Variants in FTO observed in about 807,000 individuals in gnomAD.
FTO encodes the protein FTO alpha-ketoglutarate dependent dioxygenase, also known as alpha-ketoglutarate-dependent dioxygenase FTO.
In FTO, 47 loss-of-function variants were observed where a neutral mutation model predicts 63.9. The ratio of observed to expected loss-of-function variants is 0.74; its 90% CI spans 0.58 to 0.94. The LOEUF is 0.94. FTO is among the 40% of genes least tolerant of loss of function. The probability of loss-of-function intolerance (pLI) is 0.00; values close to 1 mark genes in which losing one functional copy is unlikely to be tolerated. For missense variants in FTO, 562 were observed against 618.1 expected, an observed-to-expected ratio of 0.91 and a Z score of 0.96; for synonymous variants, 207 against 224.4, an observed-to-expected ratio of 0.92 and a Z score of 0.69.
chr16:53,743,481 A>G (rs1376551787), intron 1 of FTO, among the ~76,000 whole-genome samples: 2 of 151,032 alleles, frequency 1.3e-5, no homozygotes, highest in Non-Finnish European at 2.9e-5. Flanking sequence ...TGTTTAGGTA[A>G]CAGATCTAGT....
At chr16:54,061,290 C>T (rs1268319449) in intron 8 of FTO, among the ~76,000 whole-genome samples, 5 of 152,202 alleles carry the variant, frequency 3.3e-5, no homozygotes, top group Non-Finnish European at 7.3e-5. Context: ...CCCTTGAGGG[C>T]TCTTCCATTG....
At chr16:53,724,848 C>A (rs1180706830) in intron 1 of FTO, among the ~76,000 whole-genome samples, 1 of 152,184 alleles carries the variant, frequency 6.6e-6, no homozygotes, top group Non-Finnish European at 1.5e-5. Flanking sequence ...TTGAGAACAA[C>A]AAACTGAGGC....
At chr16:54,069,635 C>G (rs2085815549) in intron 8 of FTO, among the ~76,000 whole-genome samples, 1 of 151,758 alleles carries the variant, frequency 6.6e-6, no homozygotes, top group Non-Finnish European at 1.5e-5. Context: ...AAAAAAGAAG[C>G]CTATTCATAA....
chr16:53,767,373 T>C (rs1286845429), intron 1 of FTO, among the ~76,000 whole-genome samples: 1 of 152,182 alleles, frequency 6.6e-6, no homozygotes, highest in Non-Finnish European at 1.5e-5. Flanking sequence ...TGCTGTGAAA[T>C]TTCCTATTAA....
At chr16:54,088,242 C>A (rs149316123) in intron 8 of FTO, among the ~76,000 whole-genome samples, 14 of 152,136 alleles carry the variant, frequency 9.2e-5, no homozygotes, top group Non-Finnish European at 2.1e-4. Flanking sequence ...AAATCAATAC[C>A]CACATTGCGT....
Position 54,112,057 on chromosome 16 carries a change from A to T in FTO, c.*142A>T, listed in dbSNP as rs2086903958. On this transcript the variant is annotated 3_prime_UTR_variant, in exon 9 of 9. Transcript: ENST00000471389. ...GGGTCCCAATCCAAAACAGCTAGGA[A>T]ATGGTGCCCATGAAGTTTTAAATGT... is the stretch of plus-strand genomic sequence containing the variant. The T allele has an allele frequency of 3.6e-6, 3 of 839,668 alleles. No individual in the cohort carries two copies. Among genetic ancestry groups the T allele is most frequent in the Non-Finnish European group, 6.0e-6 (3 of 499,550 alleles). The allele number at this position is 839,668 out of a possible 1,614,324, so 52.0% of individuals were successfully genotyped here. A position where few individuals can be genotyped will look rare whatever the true frequency, so the allele number is the denominator to read the frequency against.
At chr16:54,010,283 A>G (rs2084305710) in intron 8 of FTO, among the ~76,000 whole-genome samples, 1 of 152,082 alleles carries the variant, frequency 6.6e-6, no homozygotes, top group Non-Finnish European at 1.5e-5. Flanking sequence ...GTGGTGGTTC[A>G]TGCCTATAAT....
At chr16:54,050,447 T>A (rs1241619829) in intron 8 of FTO, among the ~76,000 whole-genome samples, 1 of 152,126 alleles carries the variant, frequency 6.6e-6, no homozygotes, top group Non-Finnish European at 1.5e-5. Context: ...CTTCAGATAA[T>A]AGCTTACATC....
chr16:53,722,721 G>A (rs534738488), intron 1 of FTO, among the ~76,000 whole-genome samples: 32 of 152,038 alleles, frequency 2.1e-4, no homozygotes, highest in African/African-American at 6.8e-4. Context: ...CCAGCTACTC[G>A]GGAAGCTGAG....
chr16:53,704,343 C>G (rs1302432295), intron 1 of FTO, 114 bp downstream of exon 1: 1 of 1,027,532 alleles, frequency 9.7e-7, no homozygotes, highest in Non-Finnish European at 1.5e-6. Context: ...TAAGGGATGA[C>G]AGGGCCTTGT....
intron 1 of FTO, among the ~76,000 whole-genome samples, chr16:53,713,664 A>G (rs1292124245): frequency 6.6e-6 from 1 of 152,196 alleles, no homozygotes; most frequent in East Asian, 1.9e-4. Flanking sequence ...TTAAGCCATC[A>G]CATGTTTGAA....
intron 1 of FTO, among the ~76,000 whole-genome samples, chr16:53,764,481 A>AG (rs935097318): frequency 1.5e-4 from 23 of 151,352 alleles, no homozygotes; most frequent in Non-Finnish European, 2.5e-4. Flanking sequence ...AATACAAAAA[A>AG]AAAAAAAAAA....
chr16:54,057,164 C>T (rs2085455245), intron 8 of FTO, among the ~76,000 whole-genome samples: 1 of 152,194 alleles, frequency 6.6e-6, no homozygotes, highest in South Asian at 2.1e-4. Flanking sequence ...ATAACCCTCC[C>T]CAGACACACA....
At position 53,752,614 on chromosome 16, in the gene FTO, C is replaced by G. The variant is rs185961862; in HGVS notation, c.45+48385C>G. Among the ~76,000 whole-genome samples, 6 of 152,284 alleles carry G rather than the reference C, an allele frequency of 3.9e-5. No individual in the cohort carries two copies. In the East Asian group the frequency reaches 1.2e-3, roughly 29 times the overall value. ...TCAATCTTGCATATCTTTTTGCATA[C>G]TTCTTTTCAATCCATATGGAATAAT... On this transcript the variant is annotated intron_variant, in intron 1 of 8. Coordinates refer to ENST00000471389, the MANE Select transcript of FTO (RefSeq NM_001080432.3).
chr16:54,065,251 A>C (rs2388454), intron 8 of FTO, among the ~76,000 whole-genome samples: 43,190 of 151,548 alleles, frequency 0.28, 6,397 homozygotes, highest in East Asian at 0.38. Context: ...TCAAACTCCT[A>C]GGCTTGAGCC....
intron 8 of FTO, chr16:53,935,785 C>G (rs1337691630): frequency 1.3e-5 from 2 of 152,102 alleles, no homozygotes; most frequent in African/African-American, 2.4e-5. Flanking sequence ...TTAAAATTTT[C>G]TCTGTATTAT....
At chr16:53,771,100 C>T (rs1450965270) in intron 1 of FTO, among the ~76,000 whole-genome samples, 2 of 151,974 alleles carry the variant, frequency 1.3e-5, no homozygotes, top group Non-Finnish European at 2.9e-5. Context: ...AAGGGATTGG[C>T]AATTAAGAAA....
chr16:53,718,778 T>G (rs1225741801), intron 1 of FTO, among the ~76,000 whole-genome samples: 7 of 152,192 alleles, frequency 4.6e-5, no homozygotes, highest in Non-Finnish European at 1.0e-4. Context: ...TTTCTAATAA[T>G]GGTTCCTTGG....
intron 1 of FTO, among the ~76,000 whole-genome samples, chr16:53,768,343 G>A (rs779702261): frequency 1.1e-4 from 17 of 152,186 alleles, no homozygotes; most frequent in Admixed American, 2.6e-4. Context: ...GCAGTTAAAA[G>A]AGATAATAAA....
Sources: gnomAD v4.1 joint callset for allele counts (sites outside exome capture counted in the v4.1 genomes callset) on GRCh38, gnomAD v4.1.1 for gene constraint, MANE v1.5 for transcripts, NCBI Gene and HGNC (gene_info 2026-07-23, HGNC 2026-07-21) for gene names.